The following ELMO1 variants were observed in gnomAD, a reference collection of about 807,000 sequenced individuals.
The protein encoded by ELMO1 is engulfment and cell motility protein 1.
Under a neutral mutation model 98.9 loss-of-function variants are expected in ELMO1, and 26 were observed. The ratio of observed to expected loss-of-function variants is 0.26; its 90% CI spans 0.19 to 0.36. The LOEUF is 0.36. Ranked by LOEUF, ELMO1 falls within the 10% of genes least tolerant of loss-of-function variation. ELMO1 has a pLI of 1.00. For missense variants in ELMO1, 627 were observed against 935.2 expected, an observed-to-expected ratio of 0.67 and a Z score of 4.30; for synonymous variants, 346 against 346.0, an observed-to-expected ratio of 1.00 and a Z score of 0.00.
At chr7:37,141,303 T>C (rs1164005899) in intron 13 of ELMO1, among the ~76,000 whole-genome samples, 2 of 152,148 alleles carry the variant, frequency 1.3e-5, no homozygotes, top group African/African-American at 4.8e-5. Context: ...CCAAACATCG[T>C]ATGTTCTCAC....
intron 15 of ELMO1, among the ~76,000 whole-genome samples, chr7:37,024,460 TGAG>T: frequency 6.6e-6 from 1 of 152,358 alleles, no homozygotes; most frequent in East Asian, 1.9e-4. Flanking sequence ...TCAGGTGATC[TGAG>T]GATTCTTGTT....
At chr7:37,159,706 AATAAT>A (rs1563044243) in intron 13 of ELMO1, among the ~76,000 whole-genome samples, 2 of 151,252 alleles carry the variant, frequency 1.3e-5, no homozygotes, top group Admixed American at 6.6e-5. Flanking sequence ...CTCAAAAAAT[AATAAT>A]AATAATAATA....
intron 15 of ELMO1, among the ~76,000 whole-genome samples, chr7:37,072,356 G>A (rs1797323137): frequency 1.3e-5 from 2 of 152,126 alleles, no homozygotes; most frequent in African/African-American, 4.8e-5. Flanking sequence ...AAGATCGGCT[G>A]GTTTTAAAAA....
At chr7:37,279,692 G>C (rs534933604) in intron 4 of ELMO1, among the ~76,000 whole-genome samples, 2 of 152,160 alleles carry the variant, frequency 1.3e-5, no homozygotes, top group African/African-American at 2.4e-5. Context: ...AGCTCGCTGC[G>C]TCCCCTAGCA....
chr7:37,122,499 A>G (rs944129486), intron 14 of ELMO1, among the ~76,000 whole-genome samples: 2 of 152,232 alleles, frequency 1.3e-5, no homozygotes, highest in African/African-American at 4.8e-5. Context: ...AGTCTCTGAT[A>G]AAACAGACTT....
intron 16 of ELMO1, among the ~76,000 whole-genome samples, chr7:36,937,129 C>T (rs1019746573): frequency 6.6e-6 from 1 of 152,064 alleles, no homozygotes; most frequent in Admixed American, 6.6e-5. Flanking sequence ...AATTTTGCTC[C>T]CCCCAAAAGA....
intron 16 of ELMO1, among the ~76,000 whole-genome samples, chr7:36,987,555 A>T (rs562238071): frequency 6.6e-6 from 1 of 152,288 alleles, no homozygotes; most frequent in Non-Finnish European, 1.5e-5. Context: ...GGTCTCTGCA[A>T]GCCTGGGACC....
intron 14 of ELMO1, among the ~76,000 whole-genome samples, chr7:37,119,640 A>T (rs745913409): frequency 3.9e-4 from 59 of 152,234 alleles, no homozygotes; most frequent in Non-Finnish European, 6.9e-4. Context: ...AATCTTGAGA[A>T]AACAATTCTT....
At chr7:36,884,643 T>C (rs1804778125) in intron 18 of ELMO1, among the ~76,000 whole-genome samples, 1 of 152,186 alleles carries the variant, frequency 6.6e-6, no homozygotes, top group Non-Finnish European at 1.5e-5. Flanking sequence ...GATCTGTAAA[T>C]GTCTGCATGT....
At chr7:37,400,850 A>C (rs12701556) in intron 1 of ELMO1, among the ~76,000 whole-genome samples, 35,570 of 152,162 alleles carry the variant, frequency 0.23, 4,393 homozygotes, top group East Asian at 0.43. Context: ...GGACAGAAGA[A>C]AAAACAATTT....
At chr7:37,232,737 A>T in intron 8 of ELMO1, among the ~76,000 whole-genome samples, 1 of 152,112 alleles carries the variant, frequency 6.6e-6, no homozygotes, top group East Asian at 1.9e-4. Context: ...TTTTCCCTGG[A>T]CACCAGGTTG....
At chr7:37,337,364 C>T (rs1364016788) in intron 2 of ELMO1, among the ~76,000 whole-genome samples, 5 of 151,500 alleles carry the variant, frequency 3.3e-5, no homozygotes, top group African/African-American at 9.7e-5. Context: ...CATCACACAC[C>T]GGGGCCTCTT....
chr7:36,985,425 G>A (rs992828271), intron 16 of ELMO1, among the ~76,000 whole-genome samples: 4 of 151,980 alleles, frequency 2.6e-5, no homozygotes, highest in African/African-American at 9.7e-5. Flanking sequence ...GAGAACAGTG[G>A]CACACGGAGA....
intron 6 of ELMO1, among the ~76,000 whole-genome samples, chr7:37,252,608 G>C (rs1795414485): frequency 6.6e-6 from 1 of 152,080 alleles, no homozygotes; most frequent in Non-Finnish European, 1.5e-5. Context: ...TTAAACGTAA[G>C]ACCTAAAACC....
chr7:37,261,088 T>C (rs1562563123), intron 5 of ELMO1, among the ~76,000 whole-genome samples: 1 of 152,106 alleles, frequency 6.6e-6, no homozygotes, highest in Admixed American at 6.6e-5. Context: ...TCATTATTAA[T>C]GCTAATAGTG....
At chr7:37,103,643 G>A (rs928083708) in intron 14 of ELMO1, among the ~76,000 whole-genome samples, 3 of 151,922 alleles carry the variant, frequency 2.0e-5, no homozygotes, top group Admixed American at 6.6e-5. Context: ...TAACCTGCAC[G>A]TTGTGCACAT....
intron 13 of ELMO1, among the ~76,000 whole-genome samples, chr7:37,191,888 G>A (rs959180393): frequency 2.6e-5 from 4 of 151,358 alleles, no homozygotes; most frequent in East Asian, 2.0e-4. Context: ...AGTGACTACC[G>A]CCTGGGCGAA....
At chr7:37,344,074 C>A (rs2723993) in intron 1 of ELMO1, among the ~76,000 whole-genome samples, 4 of 137,084 alleles carry the variant, frequency 2.9e-5, no homozygotes, top group South Asian at 4.6e-4. Flanking sequence ...CTCTGTTGCC[C>A]AGGCTGGAGT....
chr7:37,326,757 A>ATAGAAATAAT (rs1334055930), intron 2 of ELMO1, among the ~76,000 whole-genome samples: 3 of 152,206 alleles, frequency 2.0e-5, no homozygotes, highest in Admixed American at 6.5e-5. Context: ...ATAAGCAAAG[A>ATAGAAATAAT]TAGAAATAAT....
Sources: allele counts gnomAD v4.1 joint callset (sites outside exome capture counted in the v4.1 genomes callset), GRCh38; gene constraint gnomAD v4.1.1; transcripts MANE v1.5; gene names NCBI Gene and HGNC (gene_info 2026-07-23, HGNC 2026-07-21).